Variants in LGSN observed in about 807,000 individuals in gnomAD.
The protein encoded by LGSN is lengsin, lens protein with glutamine synthetase domain.
Under a neutral mutation model 19.5 loss-of-function variants are expected in LGSN, and 21 were observed. That is an observed-to-expected ratio of 1.07 (90% CI 0.76 to 1.55). LGSN has a LOEUF of 1.55. LGSN is among the 40% of genes most tolerant of loss of function. The pLI is 0.00. For synonymous variants in LGSN, 257 were observed against 215.6 expected, an observed-to-expected ratio of 1.19 and a Z score of -1.68; for missense variants, 673 against 608.5, an observed-to-expected ratio of 1.11 and a Z score of -1.12.
the LGSN span, among the ~76,000 whole-genome samples, chr6:63,338,902 C>G: frequency 2.0e-4 from 31 of 152,092 alleles, no homozygotes; most frequent in African/African-American, 7.0e-4. Context: ...TTTTTTATTT[C>G]CTTCTTAATG....
intron 1 of LGSN, among the ~76,000 whole-genome samples, chr6:63,317,883 T>C (rs916222955): frequency 6.6e-6 from 1 of 152,178 alleles, no homozygotes; most frequent in Non-Finnish European, 1.5e-5. Context: ...GTTATAAATA[T>C]CTGCAGGGTG....
At chr6:63,556,338 CTTTTTCTTTT>C in the LGSN span, among the ~76,000 whole-genome samples, 1 of 151,280 alleles carries the variant, frequency 6.6e-6, no homozygotes, top group Non-Finnish European at 1.5e-5. Flanking sequence ...TTTTTCTTGC[CTTTTTCTTTT>C]TTTTTCTTTT....
chr6:63,558,922 C>G, the LGSN span, among the ~76,000 whole-genome samples: 6 of 152,162 alleles, frequency 3.9e-5, no homozygotes, highest in Non-Finnish European at 7.3e-5. Flanking sequence ...GATAATGCTC[C>G]TAAAGTGTCT....
chr6:63,332,225 C>A, the LGSN span, among the ~76,000 whole-genome samples: 8 of 152,018 alleles, frequency 5.3e-5, no homozygotes, highest in African/African-American at 1.9e-4. Context: ...TAACAGAGTC[C>A]TGGAATTTAT....
At chr6:63,409,218 A>G in the LGSN span, among the ~76,000 whole-genome samples, 3 of 152,200 alleles carry the variant, frequency 2.0e-5, no homozygotes, top group East Asian at 1.9e-4. Flanking sequence ...AGCCAAAAAT[A>G]TTTTTTGTAA....
At chr6:63,307,771 A>G (rs1036799366) in intron 1 of LGSN, among the ~76,000 whole-genome samples, 17 of 152,168 alleles carry the variant, frequency 1.1e-4, no homozygotes, top group Non-Finnish European at 2.5e-4. Flanking sequence ...CTCATTCTAG[A>G]TTACCTCACA....
At chr6:63,497,366 T>C in the LGSN span, among the ~76,000 whole-genome samples, 2 of 151,968 alleles carry the variant, frequency 1.3e-5, no homozygotes, top group Non-Finnish European at 2.9e-5. Context: ...CTGACCAACA[T>C]GGTGAAAGCC....
the LGSN span, among the ~76,000 whole-genome samples, chr6:63,499,778 C>G: frequency 3.9e-5 from 6 of 151,946 alleles, no homozygotes; most frequent in Admixed American, 6.6e-5. Context: ...CTCTTGAGCT[C>G]AAGAGGTGAA....
chr6:63,483,702 T>C, the LGSN span, among the ~76,000 whole-genome samples: 30 of 152,206 alleles, frequency 2.0e-4, no homozygotes, highest in Admixed American at 2.0e-3. Flanking sequence ...GGTTGGTTTA[T>C]TCTAATGGCT....
chr6:63,548,935 G>A, the LGSN span: 2,096 of 882,826 alleles, frequency 2.4e-3, 38 homozygotes, highest in African/African-American at 0.03. Flanking sequence ...TGGACTAGAC[G>A]TCCCAGTCTT....
At chr6:63,342,554 T>G in the LGSN span, among the ~76,000 whole-genome samples, 85 of 152,304 alleles carry the variant, frequency 5.6e-4, no homozygotes, top group Admixed American at 1.4e-3. Context: ...TAGAACCATA[T>G]TTTTTAAATT....
chr6:63,280,652 G>A lies in LGSN; in HGVS notation c.899C>T (p.Ala300Val). Residue 300 changes from alanine to valine, a missense_variant, in exon 4 of 4, where the codon GCC becomes GTC. Ala to Val is a moderately conservative substitution (Grantham distance 64). Coordinates refer to ENST00000370657, the MANE Select transcript of LGSN (RefSeq NM_016571.3). ...AAATCCAGTCTCAATGAAGAAGCTG[G>A]CAATGTAATTATATTTCCTTGCCAC... ...KEVARKYNYI[A>V]SFFIETGFCD... The A allele has an allele frequency of 1.9e-6, 3 of 1,614,058 alleles. No homozygotes were observed. The highest frequency in any genetic ancestry group is 2.5e-6 in the Non-Finnish European group (3 of 1,180,022).
chr6:63,389,427 C>T, the LGSN span, among the ~76,000 whole-genome samples: 1 of 152,204 alleles, frequency 6.6e-6, no homozygotes, highest in African/African-American at 2.4e-5. Context: ...TAGAACATGT[C>T]AGTCTTATTT....
the LGSN span, among the ~76,000 whole-genome samples, chr6:63,418,358 C>T: frequency 2.6e-4 from 40 of 151,974 alleles, no homozygotes; most frequent in East Asian, 9.7e-4. Context: ...GTCAAGAGAT[C>T]GAGACCATCC....
the LGSN span, among the ~76,000 whole-genome samples, chr6:63,494,942 C>T: frequency 2.0e-5 from 3 of 152,058 alleles, no homozygotes; most frequent in African/African-American, 4.8e-5. Context: ...GTGTTAATTC[C>T]TATATTTATA....
chr6:63,460,413 C>T, the LGSN span, among the ~76,000 whole-genome samples: 5 of 152,130 alleles, frequency 3.3e-5, no homozygotes, highest in Non-Finnish European at 5.9e-5. Context: ...ACTTTCCTAA[C>T]AGTAGCCAAT....
chr6:63,492,299 C>G, the LGSN span, among the ~76,000 whole-genome samples: 1 of 152,196 alleles, frequency 6.6e-6, no homozygotes, highest in Non-Finnish European at 1.5e-5. Flanking sequence ...GCCAGCCATC[C>G]TGTCCTTTCT....
At chr6:63,364,227 G>A in the LGSN span, among the ~76,000 whole-genome samples, 1 of 151,806 alleles carries the variant, frequency 6.6e-6, no homozygotes, top group Non-Finnish European at 1.5e-5. Flanking sequence ...TAAAGGGATG[G>A]AGGAAGATCT....
At chr6:63,378,046 A>G in the LGSN span, among the ~76,000 whole-genome samples, 18,103 of 150,366 alleles carry the variant, frequency 0.12, 2,421 homozygotes, top group African/African-American at 0.33. Context: ...AAAAAAAAAA[A>G]AAAAAGAAAA....
Sources: allele counts gnomAD v4.1 joint callset (sites outside exome capture counted in the v4.1 genomes callset), GRCh38; gene constraint gnomAD v4.1.1; transcripts MANE v1.5; gene names NCBI Gene and HGNC (gene_info 2026-07-23, HGNC 2026-07-21).